Variants in ACBD6 observed in about 807,000 individuals in gnomAD.
The protein encoded by ACBD6 is acyl-CoA binding domain containing 6, also known as acyl-CoA-binding domain-containing protein 6.
ACBD6 carries 28 observed loss-of-function variants against 37.2 expected under a neutral mutation model. The observed-to-expected ratio is 0.75, with a 90% CI of 0.56 to 1.03. The LOEUF (loss-of-function observed/expected upper bound fraction) is 1.03. Among genes scored for constraint, ACBD6 ranks in the 50% least tolerant of loss-of-function variants. ACBD6 has a pLI of 0.00. For synonymous variants in ACBD6, 113 were observed against 126.8 expected (o/e 0.89, Z 0.73); for missense variants, 340 against 337.4 (o/e 1.01, Z -0.06).
At chr1:180,457,306 A>G (rs1487919925) in intron 3 of ACBD6, among the ~76,000 whole-genome samples, 1 of 152,220 alleles carries the variant, frequency 6.6e-6, no homozygotes, top group African/African-American at 2.4e-5. Context: ...TACATGCTAC[A>G]TATAATTTCT....
chr1:180,496,992 AGT>A (rs964459212), intron 1 of ACBD6, among the ~76,000 whole-genome samples: 1 of 152,156 alleles, frequency 6.6e-6, no homozygotes, highest in African/African-American at 2.4e-5. Flanking sequence ...TAAATCAAAG[AGT>A]GTTTGACTCC....
chr1:180,335,929 T>C (rs1378928783), intron 6 of ACBD6, among the ~76,000 whole-genome samples: 1 of 150,270 alleles, frequency 6.7e-6, no homozygotes, highest in Non-Finnish European at 1.5e-5. Context: ...CATTACATAA[T>C]GGTAAAGGGA....
intron 6 of ACBD6, among the ~76,000 whole-genome samples, chr1:180,379,446 T>C (rs976250279): frequency 3.3e-5 from 5 of 151,924 alleles, no homozygotes; most frequent in African/African-American, 9.7e-5. Context: ...ATTCAAAAAA[T>C]TGATACTAAA....
intron 6 of ACBD6, among the ~76,000 whole-genome samples, chr1:180,394,736 G>T (rs1388507603): frequency 6.6e-6 from 1 of 152,048 alleles, no homozygotes; most frequent in Non-Finnish European, 1.5e-5. Context: ...AAACATTACT[G>T]GAACTGGCTA....
At chr1:180,271,647 GGCTTTT>G in exon 14 of ACBD6, 1 of 1,437,440 alleles carries the variant, frequency 7.0e-7, no homozygotes. Context: ...TTGACCCCAG[GGCTTTT>G]GCCAGAACTG....
At chr1:180,469,910 A>G (rs1273454691) in intron 3 of ACBD6, among the ~76,000 whole-genome samples, 2 of 152,204 alleles carry the variant, frequency 1.3e-5, no homozygotes, top group Non-Finnish European at 2.9e-5. Flanking sequence ...TGTTTTCTAC[A>G]TATATAATTT....
At chr1:180,348,911 T>G (rs1334838850) in intron 6 of ACBD6, among the ~76,000 whole-genome samples, 1 of 152,242 alleles carries the variant, frequency 6.6e-6, no homozygotes, top group Non-Finnish European at 1.5e-5. Context: ...GCTTTCTTTT[T>G]GCTCTTATAA....
chr1:180,464,003 TC>T (rs987072003), intron 3 of ACBD6, among the ~76,000 whole-genome samples: 34 of 152,142 alleles, frequency 2.2e-4, no homozygotes, highest in African/African-American at 7.9e-4. Context: ...AAACTCAACA[TC>T]CCTTCATGTT....
At chr1:180,393,397 C>T (rs1403353697) in intron 6 of ACBD6, among the ~76,000 whole-genome samples, 6 of 152,110 alleles carry the variant, frequency 3.9e-5, no homozygotes, top group Admixed American at 1.3e-4. Flanking sequence ...ATTACTGCTT[C>T]GTTTCAGACT....
chr1:180,415,418 C>G (rs1302035839), intron 4 of ACBD6, among the ~76,000 whole-genome samples: 1 of 138,378 alleles, frequency 7.2e-6, no homozygotes, highest in Non-Finnish European at 1.6e-5. Context: ...CAAACACACG[C>G]AAAAAAAAAA....
At chr1:180,356,504 A>G (rs1321611760) in intron 6 of ACBD6, among the ~76,000 whole-genome samples, 5 of 152,022 alleles carry the variant, frequency 3.3e-5, no homozygotes, top group South Asian at 2.1e-4. Context: ...AACATCGTAT[A>G]TACAGGAAGT....
intron 3 of ACBD6, among the ~76,000 whole-genome samples, chr1:180,460,981 T>G (rs1650123513): frequency 6.6e-6 from 1 of 152,122 alleles, no homozygotes; most frequent in Non-Finnish European, 1.5e-5. Flanking sequence ...TCTAACTCAG[T>G]GCAAGGAAGC....
chr1:180,290,458 T>G (rs1183256938), intron 7 of ACBD6, among the ~76,000 whole-genome samples: 3 of 152,224 alleles, frequency 2.0e-5, no homozygotes, highest in African/African-American at 7.2e-5. Flanking sequence ...ATTACAGGCA[T>G]ACACCACTGC....
chr1:180,309,947 G>A (rs1262433953), intron 7 of ACBD6, among the ~76,000 whole-genome samples: 2 of 152,262 alleles, frequency 1.3e-5, no homozygotes, highest in East Asian at 3.9e-4. Context: ...AAACATGTTT[G>A]AGGAGTAAGT....
chr1:180,490,118 A>G (rs887857410), intron 3 of ACBD6, among the ~76,000 whole-genome samples: 14 of 152,336 alleles, frequency 9.2e-5, no homozygotes, highest in African/African-American at 3.4e-4. Flanking sequence ...GGATGAGAAC[A>G]CAGTGACTGG....
At chr1:180,425,099 G>A (rs1571493889) in intron 4 of ACBD6, among the ~76,000 whole-genome samples, 2 of 152,146 alleles carry the variant, frequency 1.3e-5, no homozygotes, top group Non-Finnish European at 2.9e-5. Context: ...CCTCTCTCCA[G>A]CCACCCATGG....
chr1:180,282,457 G>A (rs1649341438), intron 8 of ACBD6, among the ~76,000 whole-genome samples: 1 of 152,200 alleles, frequency 6.6e-6, no homozygotes, highest in Admixed American at 6.5e-5. Flanking sequence ...GATGGCTTCT[G>A]CACAGCAATG....
intron 3 of ACBD6, among the ~76,000 whole-genome samples, chr1:180,452,282 C>T (rs1649737542): frequency 6.6e-6 from 1 of 151,922 alleles, no homozygotes; most frequent in Non-Finnish European, 1.5e-5. Context: ...CCAGCCTGGC[C>T]AATATAGTGA....
At chr1:180,392,902 AAAATG>A (rs1654128922) in intron 6 of ACBD6, among the ~76,000 whole-genome samples, 1 of 45,644 alleles carries the variant, frequency 2.2e-5, no homozygotes, top group Non-Finnish European at 1.0e-4. Context: ...CACTTAAAAC[AAAATG>A]TTTTTCTTTT....
Sources: gnomAD v4.1 joint callset for allele counts (sites outside exome capture counted in the v4.1 genomes callset) on GRCh38, gnomAD v4.1.1 for gene constraint, MANE v1.5 for transcripts, NCBI Gene and HGNC (gene_info 2026-07-23, HGNC 2026-07-21) for gene names.